Variants in EPHA5 observed in about 807,000 individuals in gnomAD.
EPHA5 encodes the protein EPH receptor A5.
In EPHA5, 60 loss-of-function variants were observed where a neutral mutation model predicts 105.0. The ratio of observed to expected loss-of-function variants is 0.57; its 90% CI spans 0.46 to 0.71. The LOEUF (loss-of-function observed/expected upper bound fraction) is 0.71, where lower values mean the gene tolerates loss of function less well. Among genes scored for constraint, EPHA5 ranks in the 30% least tolerant of loss-of-function variants. EPHA5 has a pLI of 0.00. For missense variants in EPHA5, 1,218 were observed against 1,274.7 expected (o/e 0.96, Z 0.68); for synonymous variants, 513 against 449.1 (o/e 1.14, Z -1.80).
intron 5 of EPHA5, among the ~76,000 whole-genome samples, chr4:65,422,367 T>C (rs973063194): frequency 2.1e-4 from 32 of 152,126 alleles, no homozygotes; most frequent in Admixed American, 9.8e-4. Flanking sequence ...TTAAAATAAC[T>C]GTAACCAGGT....
intron 3 of EPHA5, among the ~76,000 whole-genome samples, chr4:65,585,404 A>G (rs1742023354): frequency 6.6e-6 from 1 of 151,774 alleles, no homozygotes; most frequent in Non-Finnish European, 1.5e-5. Flanking sequence ...CTTACCTAGG[A>G]GTTGAAACTG....
At chr4:65,334,977 A>C (rs1334361771) in intron 15 of EPHA5, among the ~76,000 whole-genome samples, 1 of 152,042 alleles carries the variant, frequency 6.6e-6, no homozygotes, top group African/African-American at 2.4e-5. Flanking sequence ...ATTTGCTACC[A>C]CAGGAAGTTA....
chr4:65,573,174 G>A (rs1184989026), intron 3 of EPHA5, among the ~76,000 whole-genome samples: 1 of 152,020 alleles, frequency 6.6e-6, no homozygotes, highest in Admixed American at 6.5e-5. Flanking sequence ...CACTTTGGGA[G>A]GCCGAGGCAG....
intron 1 of EPHA5, among the ~76,000 whole-genome samples, chr4:65,666,827 A>G (rs1303623774): frequency 6.6e-6 from 1 of 152,186 alleles, no homozygotes; most frequent in Non-Finnish European, 1.5e-5. Context: ...AATTCCAGAT[A>G]TATGTTTGGC....
intron 10 of EPHA5, 131 bp from the exon 11 acceptor site, chr4:65,365,333 A>C: frequency 1.3e-6 from 1 of 764,908 alleles, no homozygotes; most frequent in Non-Finnish European, 2.1e-6. Flanking sequence ...AAACAAACAA[A>C]AAGCAGTCAG....
intron 6 of EPHA5, among the ~76,000 whole-genome samples, chr4:65,415,780 T>C (rs375491568): frequency 1.2e-4 from 18 of 152,156 alleles, no homozygotes; most frequent in African/African-American, 3.4e-4. Context: ...AATTTCTTCA[T>C]TGACAAACGT....
intron 3 of EPHA5, among the ~76,000 whole-genome samples, chr4:65,600,598 T>C (rs1290404964): frequency 6.6e-6 from 1 of 152,140 alleles, no homozygotes; most frequent in East Asian, 1.9e-4. Flanking sequence ...CTGATTCATG[T>C]AACAGAGTGG....
chr4:65,588,629 G>T (rs1186905551), intron 3 of EPHA5, among the ~76,000 whole-genome samples: 9 of 152,058 alleles, frequency 5.9e-5, no homozygotes, highest in Admixed American at 4.6e-4. Context: ...TCTGATCAAG[G>T]TGTTTTATTT....
At position 65,322,807 on chromosome 4, in the gene EPHA5, G is replaced by T; in HGVS notation, c.*1307C>A. ...AATTATTGAAATAAAATTCTGAAGG[G>T]AAATAAGCATATATATATATTTGTG... On this transcript the variant is annotated 3_prime_UTR_variant, in exon 17 of 17. Transcript: ENST00000613740. The T allele has an allele frequency of 4.4e-6, 1 of 228,232 alleles. No homozygotes were observed. The highest frequency in any genetic ancestry group is 8.7e-6 in the Non-Finnish European group (1 of 114,948). The allele number at this position is 228,232 out of a possible 1,614,324, so 14.1% of individuals were successfully genotyped here.
chr4:65,640,764 A>C (rs28889002), intron 2 of EPHA5, among the ~76,000 whole-genome samples: 6,772 of 152,248 alleles, frequency 0.044, 502 homozygotes, highest in African/African-American at 0.15. Context: ...CTGCTTGTGC[A>C]CAAGTAAAAC....
At chr4:65,384,021 C>A (rs1219018538) in intron 8 of EPHA5, among the ~76,000 whole-genome samples, 2 of 151,530 alleles carry the variant, frequency 1.3e-5, no homozygotes, top group East Asian at 3.9e-4. Context: ...CCTTATTTTT[C>A]AAAAATCGGT....
chr4:65,625,232 C>T (rs1746028785), intron 2 of EPHA5, among the ~76,000 whole-genome samples: 1 of 151,836 alleles, frequency 6.6e-6, no homozygotes, highest in Non-Finnish European at 1.5e-5. Context: ...GAATAATAGA[C>T]TGAGATAATA....
intron 2 of EPHA5, among the ~76,000 whole-genome samples, chr4:65,637,806 A>G (rs546065762): frequency 6.6e-6 from 1 of 152,066 alleles, no homozygotes; most frequent in South Asian, 2.1e-4. Context: ...TATCCTTCCA[A>G]TAAATATTTA....
At chr4:65,421,921 T>A (rs1723983856) in intron 5 of EPHA5, among the ~76,000 whole-genome samples, 1 of 152,124 alleles carries the variant, frequency 6.6e-6, no homozygotes, top group South Asian at 2.1e-4. Context: ...CATACTAGGA[T>A]AATATTAGTT....
intron 3 of EPHA5, among the ~76,000 whole-genome samples, chr4:65,584,492 T>A (rs928177462): frequency 1.3e-5 from 2 of 151,954 alleles, no homozygotes; most frequent in African/African-American, 4.8e-5. Flanking sequence ...CCAAAAATAC[T>A]CAAATGTGAC....
At chr4:65,389,997 C>T (rs1720543035) in intron 8 of EPHA5, among the ~76,000 whole-genome samples, 1 of 152,036 alleles carries the variant, frequency 6.6e-6, no homozygotes, top group Non-Finnish European at 1.5e-5. Context: ...AAACTTTCAA[C>T]TATATTTCTT....
At chr4:65,649,508 TA>T (rs1748408817) in intron 1 of EPHA5, among the ~76,000 whole-genome samples, 1 of 152,222 alleles carries the variant, frequency 6.6e-6, no homozygotes, top group Admixed American at 6.5e-5. Flanking sequence ...AGTCCTTTTG[TA>T]TATTAACCAC....
chr4:65,348,218 G>A lies in EPHA5; in HGVS notation c.2446-15C>T, dbSNP rs551652100. 6.2e-7 allele frequency: 1 copy of A among 1,606,726 alleles called. No individual in the cohort carries two copies. The highest frequency in any genetic ancestry group is 8.5e-7 in the Non-Finnish European group (1 of 1,177,178). On this transcript the variant is annotated splice_polypyrimidine_tract_variant and intron_variant, in intron 13 of 16. Transcript: ENST00000613740. Reference sequence around the variant, plus strand: ...ATTTTTCCTCCCTAAAATTGAAAAAGATTTAAAAAACTTCCTACATACTTC... The same window carrying A: ...ATTTTTCCTCCCTAAAATTGAAAAAAATTTAAAAAACTTCCTACATACTTC...
chr4:65,601,009 AT>A (rs773475571), intron 3 of EPHA5, among the ~76,000 whole-genome samples: 17 of 152,132 alleles, frequency 1.1e-4, no homozygotes, highest in Non-Finnish European at 2.4e-4. Context: ...GACCTTTTGT[AT>A]TGGTTCTATC....
Sources: allele counts gnomAD v4.1 joint callset (sites outside exome capture counted in the v4.1 genomes callset), GRCh38; gene constraint gnomAD v4.1.1; transcripts MANE v1.5; gene names NCBI Gene and HGNC (gene_info 2026-07-23, HGNC 2026-07-21).